The following EXTL1 variants were observed in gnomAD, a reference collection of about 807,000 sequenced individuals.
The protein encoded by EXTL1 is exostosin like glycosyltransferase 1.
EXTL1 carries 43 observed loss-of-function variants against 64.6 expected under a neutral mutation model. That is an observed-to-expected ratio of 0.67 (90% CI 0.52 to 0.86). The LOEUF (loss-of-function observed/expected upper bound fraction) is 0.86, where lower values mean the gene tolerates loss of function less well. EXTL1 is among the 40% of genes least tolerant of loss of function. EXTL1 has a pLI of 0.00. For synonymous variants in EXTL1, 352 were observed against 360.5 expected (o/e 0.98, Z 0.27); for missense variants, 766 against 879.0 (o/e 0.87, Z 1.62).
chr1:26,024,808 A>C (rs554529302), intron 1 of EXTL1, among the ~76,000 whole-genome samples: 155 of 152,270 alleles, frequency 1.0e-3, no homozygotes, highest in Admixed American at 4.6e-3. Context: ...GCTTGCAGGA[A>C]GTTCTTTTTT....
rs2050163171 is a variant in EXTL1, at chr1:26,022,638, G to A, written c.-9G>A. The A allele has an allele frequency of 1.3e-6, 2 of 1,572,942 alleles. No individual in the cohort carries two copies. Among genetic ancestry groups the A allele is most frequent in the African/African-American group, 2.7e-5 (2 of 73,912 alleles). On this transcript the variant is annotated 5_prime_UTR_variant, in exon 1 of 11. Transcript: ENST00000374280. ...CCCAGCTTCCCTAGCCCTGACTGTG[G>A]GTGGCCACATGCAGTCGTGGAGGAG...
At position 26,022,395 on chromosome 1, in the gene EXTL1, C is replaced by A; in HGVS notation, c.-252C>A. ...CTTGGTTGTCCAAAGGCCGAGAAGG[C>A]AGAGTCCTGAGAGCAGGGGGGCCAG... On this transcript the variant is annotated 5_prime_UTR_variant, in exon 1 of 11. Transcript: ENST00000374280. 1 of 453,744 alleles carries A rather than the reference C, an allele frequency of 2.2e-6. No individual in the cohort carries two copies. Among genetic ancestry groups the A allele is most frequent in the Non-Finnish European group, 3.9e-6 (1 of 256,290 alleles). 28.1% of individuals were successfully genotyped at this position (453,744 alleles called of 1,614,324 possible).
chr1:26,033,845 C>T lies in EXTL1; in HGVS notation c.1668C>T (p.Ala556=). 6.2e-7 allele frequency: 1 copy of T among 1,613,768 alleles called. No homozygotes were observed. Among genetic ancestry groups the T allele is most frequent in the Non-Finnish European group, 8.5e-7 (1 of 1,179,832 alleles). Residue 556 remains alanine, a synonymous_variant, in exon 9 of 11, where the codon GCC becomes GCT. Transcript: ENST00000374280. This position sits in a 1 kb window ranked among gnomAD's most constrained non-coding sequence, Gnocchi z 5.1. ...NEFSMVLTTA[A]FYHRYYHTLF... is the part of the protein sequence containing the mutation. ...TCTCCATGGTTCTCACCACAGCCGC[C>T]TTCTACCATAGGTACAGACCCCTAC...
Position 26,031,276 on chromosome 1 carries a change from G to A in EXTL1, c.1234+12G>A. ...CTACCTGCAACAGGGTATGCCCTGG[G>A]GATGGGACAACCTGAAGTCCCCTCA... is the stretch of plus-strand genomic sequence containing the variant. On this transcript the variant is annotated intron_variant, in intron 5 of 10. Transcript: ENST00000374280. 1 of 1,612,246 alleles carries A rather than the reference G, an allele frequency of 6.2e-7. No homozygotes were observed.
intron 6 of EXTL1, 90 bp downstream of exon 6, chr1:26,031,656 A>T: frequency 2.9e-6 from 2 of 684,558 alleles, no homozygotes; most frequent in South Asian, 3.4e-5. Context: ...CCCAAAGATG[A>T]CCACTATTTG....
At position 26,022,985 on chromosome 1, in the gene EXTL1, G is replaced by A. The variant is rs952651190; in HGVS notation, c.339G>A (p.Arg113=). 2.5e-6 allele frequency: 4 copies of A among 1,614,188 alleles called. No homozygotes were observed. Among genetic ancestry groups the A allele is most frequent in the Non-Finnish European group, 3.4e-6 (4 of 1,180,036 alleles). Reference sequence around the variant, plus strand: ...GAACCATCTCTGAGACTCATCGCAGGATCCTGGCTTCCATTGAGGGCTCTC... The same window carrying A: ...GAACCATCTCTGAGACTCATCGCAGAATCCTGGCTTCCATTGAGGGCTCTC... ...AVGTISETHR[R]ILASIEGSRF... is the part of the protein sequence containing the mutation. Residue 113 remains arginine (R), a synonymous_variant, in exon 1 of 11, where the codon AGG becomes AGA. Coordinates refer to ENST00000374280, the MANE Select transcript of EXTL1 (RefSeq NM_004455.3).
At position 26,025,557 on chromosome 1, in the gene EXTL1, C is replaced by T. The variant is rs2050205463; in HGVS notation, c.779+2132C>T. 6.6e-6 allele frequency among the ~76,000 whole-genome samples: 1 copy of T among 152,204 alleles called. No homozygotes were observed. The highest frequency in any genetic ancestry group is 2.4e-5 in the African/African-American group (1 of 41,462). On this transcript the variant is annotated intron_variant, in intron 1 of 10. Transcript: ENST00000374280. This position sits in a 1 kb window ranked among gnomAD's most constrained non-coding sequence, Gnocchi z 5.3. ...GGGATTCAACCCTGTACTTCTGGCT[C>T]CAAAGCCCATGTTTTTCCACCTTGG...
chr1:26,030,998 C>G, intron 4 of EXTL1, 134 bp from the exon 5 acceptor site: 1 of 1,025,982 alleles, frequency 9.7e-7, no homozygotes, highest in Non-Finnish European at 1.5e-6. Flanking sequence ...TCATGGAGTG[C>G]CCCCTACTCT....
Position 26,031,480 on chromosome 1 carries a change from T to C in EXTL1, c.1255T>C (p.Phe419Leu), listed in dbSNP as rs1356919515. ...CCCAGGCTCCCGCCCTGAGGGCAGATTCAGCGCCCTGATCTGGGTGGGGCC... is the reference window on the plus strand; with the variant it reads ...CCCAGGCTCCCGCCCTGAGGGCAGACTCAGCGCCCTGATCTGGGTGGGGCC... ...LQQGSRPEGRFSALIWVGPPG... is the reference protein window; with the variant it reads ...LQQGSRPEGRLSALIWVGPPG... The change falls in exon 6 of 11, where the codon TTC becomes CTC. Residue 419 changes from phenylalanine to leucine, a missense_variant. This residue lies in a region of EXTL1 where 571 missense variants were observed against 647.6 expected (regional missense o/e 0.88). Transcript: ENST00000374280. 3 of 1,589,410 alleles carry C rather than the reference T, an allele frequency of 1.9e-6. No individual in the cohort carries two copies. Among genetic ancestry groups the C allele is most frequent in the Non-Finnish European group, 1.7e-6 (2 of 1,167,480 alleles).
intron 1 of EXTL1, among the ~76,000 whole-genome samples, chr1:26,023,679 C>T (rs964355559): frequency 2.0e-5 from 3 of 152,124 alleles, no homozygotes; most frequent in Non-Finnish European, 2.9e-5. Flanking sequence ...ACATAAAACA[C>T]GACTCATTCC....
At chr1:26,030,198 C>T (rs2050266702) in intron 3 of EXTL1, among the ~76,000 whole-genome samples, 4 of 152,076 alleles carry the variant, frequency 2.6e-5, no homozygotes, top group South Asian at 4.1e-4. Context: ...ATAGTAATTA[C>T]CATTTTTTTA....
rs377690587 is a variant in EXTL1 at position 26,035,349 on chromosome 1, G to A, written c.*2G>A. 3.1e-6 allele frequency: 5 copies of A among 1,599,404 alleles called. No individual in the cohort carries two copies. The highest frequency in any genetic ancestry group is 4.3e-6 in the Non-Finnish European group (5 of 1,170,356). On this transcript the variant is annotated 3_prime_UTR_variant, in exon 11 of 11. Transcript: ENST00000374280. The surrounding 1 kb of genome is among the most constrained non-coding windows in gnomAD (Gnocchi z 5.3). ...TACCGCAGCCTGGAGAAGCCCTAGG[G>A]GGGCGACCCGCGGAGACCCCAGCAG... is the stretch of plus-strand genomic sequence containing the variant.
chr1:26,023,626 G>A (rs2050181575), intron 1 of EXTL1, among the ~76,000 whole-genome samples: 1 of 152,152 alleles, frequency 6.6e-6, no homozygotes. Flanking sequence ...AGCAAGGGTT[G>A]TCTAAGGTAG....
chr1:26,028,415 G>A (rs546410435), intron 1 of EXTL1, among the ~76,000 whole-genome samples: 8 of 152,324 alleles, frequency 5.3e-5, no homozygotes, highest in Non-Finnish European at 1.2e-4. Context: ...GAGGGTCCTA[G>A]TACCCTCTGG....
At position 26,033,734 on chromosome 1, in the gene EXTL1, G is replaced by A. The variant is rs779112200; in HGVS notation, c.1557G>A (p.Glu519=). 2.5e-6 allele frequency: 4 copies of A among 1,614,046 alleles called. No individual in the cohort carries two copies. In the South Asian group the frequency reaches 3.3e-5, roughly 13 times the overall value. Residue 519 remains glutamate, a synonymous_variant, in exon 9 of 11, where the codon GAG becomes GAA. Coordinates refer to ENST00000374280, the MANE Select transcript of EXTL1 (RefSeq NM_004455.3). The surrounding 1 kb of genome is among the most constrained non-coding windows in gnomAD (Gnocchi z 5.1). ...FAFLVWQSFP[E]RMVGFLTSSH... ...TTCTGGTGTGGCAGAGCTTCCCAGA[G>A]CGGATGGTGGGCTTCCTGACGTCGA... is the stretch of plus-strand genomic sequence containing the variant.
chr1:26,026,100 G>A (rs1051910272), intron 1 of EXTL1, among the ~76,000 whole-genome samples: 14 of 151,910 alleles, frequency 9.2e-5, no homozygotes, highest in Admixed American at 9.2e-4. Context: ...TTAGCTGGGT[G>A]TGGTGGTGCA....
chr1:26,031,290 G>A, intron 5 of EXTL1, 26 bp downstream of exon 5: 2 of 1,610,714 alleles, frequency 1.2e-6, no homozygotes, highest in Non-Finnish European at 1.7e-6. Context: ...GGGACAACCT[G>A]AAGTCCCCTC....
Position 26,034,721 on chromosome 1 carries a change from G to A in EXTL1, c.1680-115G>A. ...GGATGGGAGCTCTCTGAGGCAGCCA[G>A]GGCTCAGAGGCTTGGGGATGGGGGT... is the stretch of plus-strand genomic sequence containing the variant. On this transcript the variant is annotated intron_variant, in intron 9 of 10. Coordinates refer to ENST00000374280, the MANE Select transcript of EXTL1 (RefSeq NM_004455.3). The surrounding 1 kb of genome is among the most constrained non-coding windows in gnomAD (Gnocchi z 4.6). 1 of 1,050,784 alleles carries A rather than the reference G, an allele frequency of 9.5e-7. No individual in the cohort carries two copies. The highest frequency in any genetic ancestry group is 1.4e-6 in the Non-Finnish European group (1 of 709,168). 65.1% of individuals were successfully genotyped at this position (1,050,784 alleles called of 1,614,324 possible).
At chr1:26,023,617 G>T (rs962033411) in intron 1 of EXTL1, among the ~76,000 whole-genome samples, 192 bp downstream of exon 1, 3 of 152,170 alleles carry the variant, frequency 2.0e-5, no homozygotes, top group African/African-American at 4.8e-5. Flanking sequence ...GGGACTTGAA[G>T]CAAGGGTTGT....
Sources: gnomAD v4.1 joint callset for allele counts (sites outside exome capture counted in the v4.1 genomes callset) on GRCh38, gnomAD v4.1.1 for gene constraint, gnomAD v4.1.1 regional missense constraint, Gnocchi (gnomAD v3.1) non-coding constraint, MANE v1.5 for transcripts, NCBI Gene and HGNC (gene_info 2026-07-23, HGNC 2026-07-21) for gene names.